The following GOT1 variants were observed in gnomAD, a reference collection of about 807,000 sequenced individuals.
GOT1 encodes the protein aspartate aminotransferase, cytoplasmic.
GOT1 carries 25 observed loss-of-function variants against 48.2 expected under a neutral mutation model. The ratio of observed to expected loss-of-function variants is 0.52; its 90% confidence interval spans 0.38 to 0.72. The LOEUF is 0.72. GOT1 is among the 30% of genes least tolerant of loss of function. GOT1 has a pLI of 0.00. For missense variants in GOT1, 380 were observed against 520.1 expected, an observed-to-expected ratio of 0.73 and a Z score of 2.62; for synonymous variants, 188 against 193.8, an observed-to-expected ratio of 0.97 and a Z score of 0.25.
chr10:99,404,282 CT>C (rs533758043), intron 5 of GOT1, among the ~76,000 whole-genome samples: 11 of 152,142 alleles, frequency 7.2e-5, no homozygotes, highest in Non-Finnish European at 1.3e-4. Flanking sequence ...ACAGAGTAGC[CT>C]CCATTCCTGT....
chr10:99,402,486 G>T (rs1201030481), intron 8 of GOT1, 94 bp downstream of exon 8: 4 of 1,355,610 alleles, frequency 3.0e-6, no homozygotes, highest in Non-Finnish European at 4.2e-6. Context: ...TTAGGCAAAG[G>T]CTGTGAAAGT....
chr10:99,413,662 A>C (rs1405377224), intron 2 of GOT1, among the ~76,000 whole-genome samples: 1 of 152,228 alleles, frequency 6.6e-6, no homozygotes, highest in Non-Finnish European at 1.5e-5. Context: ...GTTGAAATGA[A>C]GGAAAAAATG....
At position 99,406,707 on chromosome 10, in the gene GOT1, C is replaced by T. The variant is rs185098797; in HGVS notation, c.424+19G>A. On this transcript the variant is annotated intron_variant, in intron 3 of 8. Transcript: ENST00000370508. Reference sequence around the variant, plus strand: ...TCTCTGGTTTCTGTTTTTCCTCTCACTTCAGCTGAAAGACTCACCCCAGGT... The same window carrying T: ...TCTCTGGTTTCTGTTTTTCCTCTCATTTCAGCTGAAAGACTCACCCCAGGT... 514 of 1,610,326 alleles carry T rather than the reference C, an allele frequency of 3.2e-4. 3 individuals are homozygous for T. The African/African-American group carries it at 6.0e-3, about 19-fold the overall frequency.
intron 6 of GOT1, 40 bp downstream of exon 6, chr10:99,403,684 G>A: frequency 6.2e-7 from 1 of 1,613,776 alleles, no homozygotes; most frequent in South Asian, 1.1e-5. Context: ...AGGGAGTGAT[G>A]CGAGGAGGTG....
At position 99,397,482 on chromosome 10, in the gene GOT1, T is replaced by C; in HGVS notation, c.*65A>G. ...TAATCCATGGTATGTACATGTAGGT[T>C]TGTGCAGGCAGGGAACACACATGAC... On this transcript the variant is annotated 3_prime_UTR_variant, in exon 9 of 9. Transcript: ENST00000370508. This position sits in a 1 kb window ranked among gnomAD's most constrained non-coding sequence, Gnocchi z 5.4. 6.5e-7 allele frequency: 1 copy of C among 1,528,502 alleles called. No homozygotes were observed. Among genetic ancestry groups the C allele is most frequent in the East Asian group, 2.2e-5 (1 of 44,448 alleles). 94.7% of individuals were successfully genotyped at this position (1,528,502 alleles called of 1,614,324 possible).
At chr10:99,409,555 TACCTTGATACTA>T in intron 2 of GOT1, among the ~76,000 whole-genome samples, 1 of 152,352 alleles carries the variant, frequency 6.6e-6, no homozygotes, top group East Asian at 1.9e-4. Context: ...ACCTAGATCG[TACCTTGATACTA>T]ACTTCCCAAG....
chr10:99,408,626 T>G (rs889131933), intron 2 of GOT1, among the ~76,000 whole-genome samples: 1 of 152,008 alleles, frequency 6.6e-6, no homozygotes, highest in African/African-American at 2.4e-5. Context: ...GGCTGAGACG[T>G]GAGAATCATT....
intron 2 of GOT1, among the ~76,000 whole-genome samples, chr10:99,411,934 T>G (rs564630523): frequency 6.6e-5 from 10 of 152,216 alleles, no homozygotes; most frequent in African/African-American, 2.2e-4. Flanking sequence ...TTATCCATTA[T>G]AGTAAGAACA....
intron 1 of GOT1, among the ~76,000 whole-genome samples, chr10:99,429,700 G>A (rs1018299473): frequency 1.2e-4 from 18 of 152,176 alleles, no homozygotes; most frequent in Non-Finnish European, 2.1e-4. Context: ...GGCAGATGGG[G>A]AAACTGAGGC....
At chr10:99,427,384 T>C (rs946709273) in intron 1 of GOT1, among the ~76,000 whole-genome samples, 3 of 152,182 alleles carry the variant, frequency 2.0e-5, no homozygotes, top group Non-Finnish European at 4.4e-5. Context: ...TTCTCCTGCC[T>C]CAGCCTCCCG....
At chr10:99,413,380 AG>A (rs1295489771) in intron 2 of GOT1, among the ~76,000 whole-genome samples, 7 of 152,344 alleles carry the variant, frequency 4.6e-5, no homozygotes, top group African/African-American at 1.7e-4. Flanking sequence ...TGAGAAGAGA[AG>A]TTTAGAGAAA....
chr10:99,415,077 G>C (rs1234635002), intron 2 of GOT1, among the ~76,000 whole-genome samples: 1 of 150,958 alleles, frequency 6.6e-6, no homozygotes, highest in African/African-American at 2.4e-5. Context: ...CAGAAGGCAA[G>C]AAATAACTAA....
At position 99,400,678 on chromosome 10, in the gene GOT1, C is replaced by T. The variant is rs138512342; in HGVS notation, c.1102+1902G>A. 1.1e-4 allele frequency among the ~76,000 whole-genome samples: 17 copies of T among 151,458 alleles called. No individual in the cohort carries two copies. The East Asian group carries it at 2.1e-3, about 19-fold the overall frequency. ...AAAAAAGGCCAGGCACAGTGGCTCACGCCTGTAATCCCAGCACTGTGGGAG... is the reference window on the plus strand; with the variant it reads ...AAAAAAGGCCAGGCACAGTGGCTCATGCCTGTAATCCCAGCACTGTGGGAG... On this transcript the variant is annotated intron_variant, in intron 8 of 8. Coordinates refer to ENST00000370508, the MANE Select transcript of GOT1 (RefSeq NM_002079.3).
intron 8 of GOT1, among the ~76,000 whole-genome samples, chr10:99,399,410 A>G (rs1021201527): frequency 5.9e-5 from 9 of 152,198 alleles, no homozygotes; most frequent in African/African-American, 1.9e-4. Flanking sequence ...CCAAGATGGT[A>G]TAAAAGCATC....
chr10:99,407,882 T>C (rs1432957845), intron 2 of GOT1, among the ~76,000 whole-genome samples: 3 of 152,010 alleles, frequency 2.0e-5, no homozygotes, highest in African/African-American at 7.3e-5. Context: ...CCATGGTGGT[T>C]TGTGGCACCC....
rs532633796 is a variant in GOT1, at chr10:99,417,014, C to A, written c.300+3610G>T. On this transcript the variant is annotated intron_variant, in intron 2 of 8. Transcript: ENST00000370508. ...TAGGCAATACTATTCAGGACATAGG[C>A]ATGGGCAAGGACTTCATGTCTTAAA... Among the ~76,000 whole-genome samples the A allele has an allele frequency of 9.1e-4, 139 of 152,312 alleles. 4 individuals are homozygous for A. In the East Asian group the frequency reaches 0.021, roughly 23 times the overall value.
chr10:99,418,389 A>C (rs1053915198), intron 2 of GOT1, among the ~76,000 whole-genome samples: 1 of 152,154 alleles, frequency 6.6e-6, no homozygotes, highest in Non-Finnish European at 1.5e-5. Flanking sequence ...TTAGAGGAAG[A>C]AACTCCCCAA....
At position 99,397,621 on chromosome 10, in the gene GOT1, CGTT is replaced by C. The variant is rs749913156; in HGVS notation, c.1165_1167del (p.Asn389del). The C allele has an allele frequency of 3.3e-4, 540 of 1,613,836 alleles. No homozygotes were observed. The highest frequency in any genetic ancestry group is 4.2e-4 in the Non-Finnish European group (492 of 1,179,868). On this transcript the variant is annotated inframe_deletion, in exon 9 of 9. Coordinates refer to ENST00000370508, the MANE Select transcript of GOT1 (RefSeq NM_002079.3). This position sits in a 1 kb window ranked among gnomAD's most constrained non-coding sequence, Gnocchi z 5.4. ...AGATTTTTGGTGGTTAAGCCACTCACGTTGATTCGACCACTTGGCAGCAGGTAG... is the reference window on the plus strand; with the variant it reads ...AGATTTTTGGTGGTTAAGCCACTCACGATTCGACCACTTGGCAGCAGGTAG...
At chr10:99,428,637 C>T (rs1310776944) in intron 1 of GOT1, among the ~76,000 whole-genome samples, 1 of 152,178 alleles carries the variant, frequency 6.6e-6, no homozygotes, top group African/African-American at 2.4e-5. Context: ...GGATTACAGG[C>T]GTGAGCCACC....
Sources: gnomAD v4.1 joint callset for allele counts (sites outside exome capture counted in the v4.1 genomes callset) on GRCh38, gnomAD v4.1.1 for gene constraint, Gnocchi (gnomAD v3.1) non-coding constraint, MANE v1.5 for transcripts, NCBI Gene and HGNC (gene_info 2026-07-23, HGNC 2026-07-21) for gene names.